Variants in SEMA3E observed in about 807,000 individuals in gnomAD.
The protein encoded by SEMA3E is semaphorin 3E, also known as semaphorin-3E.
In SEMA3E, 49 loss-of-function variants were observed where a neutral mutation model predicts 93.6. That is an observed-to-expected ratio of 0.52 (90% confidence interval 0.42 to 0.66). The LOEUF (loss-of-function observed/expected upper bound fraction) is 0.66. Among genes scored for constraint, SEMA3E ranks in the 30% least tolerant of loss-of-function variants. The pLI is 0.00. For missense variants in SEMA3E, 906 were observed against 964.8 expected (o/e 0.94, Z 0.81); for synonymous variants, 363 against 330.7 (o/e 1.10, Z -1.06).
intron 1 of SEMA3E, among the ~76,000 whole-genome samples, chr7:83,559,733 G>T (rs1180278913): frequency 6.6e-6 from 1 of 151,974 alleles, no homozygotes; most frequent in African/African-American, 2.4e-5. Context: ...TTACACAAAG[G>T]AACTGAAAAT....
intron 2 of SEMA3E, among the ~76,000 whole-genome samples, chr7:83,473,521 G>A (rs542292529): frequency 7.9e-5 from 12 of 152,246 alleles, no homozygotes; most frequent in East Asian, 1.9e-4. Flanking sequence ...GCTGATTGGC[G>A]GTATTTTTTA....
Position 83,402,624 on chromosome 7 carries a change from A to G in SEMA3E, c.1143+8T>C. The stretch of plus-strand genomic sequence containing the variant: ...AATAAGAATTATTTGTTATATAACT[A>G]AACTTACAGAACCAGGCCTTGGATA... On this transcript the variant is annotated splice_region_variant and intron_variant, in intron 10 of 16. Coordinates refer to ENST00000643230, the MANE Select transcript of SEMA3E (RefSeq NM_012431.3). 6.2e-7 allele frequency: 1 copy of G among 1,609,540 alleles called. No individual in the cohort carries two copies. The highest frequency in any genetic ancestry group is 8.5e-7 in the Non-Finnish European group (1 of 1,176,240).
chr7:83,606,723 T>C (rs1793129462), intron 1 of SEMA3E, among the ~76,000 whole-genome samples: 1 of 144,786 alleles, frequency 6.9e-6, no homozygotes, highest in East Asian at 2.0e-4. Context: ...GTAACTAACC[T>C]GCACAATGTG....
chr7:83,368,289 T>A, intron 16 of SEMA3E, among the ~76,000 whole-genome samples: 1 of 148,758 alleles, frequency 6.7e-6, no homozygotes, highest in East Asian at 1.9e-4. Context: ...GACCTTGAGA[T>A]CATTTTATAT....
chr7:83,533,630 T>C (rs566598483), intron 1 of SEMA3E, among the ~76,000 whole-genome samples: 182 of 152,082 alleles, frequency 1.2e-3, no homozygotes, highest in African/African-American at 4.2e-3. Flanking sequence ...GGCAGTAGAA[T>C]AGAGGAAATC....
intron 1 of SEMA3E, among the ~76,000 whole-genome samples, chr7:83,581,158 G>A (rs1036471154): frequency 6.6e-6 from 1 of 151,980 alleles, no homozygotes; most frequent in African/African-American, 2.4e-5. Flanking sequence ...TTCAGCATCT[G>A]TCTAGGGATA....
chr7:83,504,376 G>T (rs1483639469), intron 1 of SEMA3E, among the ~76,000 whole-genome samples: 4 of 152,092 alleles, frequency 2.6e-5, no homozygotes, highest in East Asian at 3.9e-4. Context: ...TAGAGATGAG[G>T]CTGTGTGTTA....
At chr7:83,548,065 T>G (rs1214187418) in intron 1 of SEMA3E, among the ~76,000 whole-genome samples, 1 of 152,070 alleles carries the variant, frequency 6.6e-6, no homozygotes, top group Non-Finnish European at 1.5e-5. Flanking sequence ...AGAGATTTAG[T>G]CTCCTCTATT....
chr7:83,460,007 TC>T, intron 4 of SEMA3E, among the ~76,000 whole-genome samples: 1 of 152,096 alleles, frequency 6.6e-6, no homozygotes, highest in Non-Finnish European at 1.5e-5. Context: ...CACCCTTATC[TC>T]CCTTCGCTGA....
At chr7:83,613,410 A>G (rs1007756464) in intron 1 of SEMA3E, among the ~76,000 whole-genome samples, 3 of 152,082 alleles carry the variant, frequency 2.0e-5, no homozygotes, top group Non-Finnish European at 1.5e-5. Flanking sequence ...TTAATGGAAC[A>G]CTGTAAACCA....
intron 13 of SEMA3E, among the ~76,000 whole-genome samples, chr7:83,392,968 T>A (rs897069333): frequency 1.3e-4 from 19 of 144,476 alleles, no homozygotes; most frequent in South Asian, 8.7e-4. Context: ...ACTCTGGAGG[T>A]TAAGGCAGGA....
rs185358522 is a variant in SEMA3E, at chr7:83,637,713, G to A, written c.115+10715C>T. ...CTTCTGCCATGATTGTAAGTTTCCTGAGGCCTCCTCAGCCCTGTGGAACTG... is the reference window on the plus strand; with the variant it reads ...CTTCTGCCATGATTGTAAGTTTCCTAAGGCCTCCTCAGCCCTGTGGAACTG... On this transcript the variant is annotated intron_variant, in intron 1 of 16. Transcript: ENST00000643230. Among the ~76,000 whole-genome samples, 557 of 151,632 alleles carry A rather than the reference G, an allele frequency of 3.7e-3. 7 individuals are homozygous for A. The highest frequency in any genetic ancestry group is 0.013 in the African/African-American group (521 of 41,282).
intron 1 of SEMA3E, among the ~76,000 whole-genome samples, chr7:83,518,120 T>C (rs567643054): frequency 8.0e-6 from 1 of 124,548 alleles, no homozygotes; most frequent in South Asian, 3.2e-4. Context: ...GAAAGAAAAG[T>C]ATGGCAGCTT....
chr7:83,539,234 C>T (rs987159477), intron 1 of SEMA3E, among the ~76,000 whole-genome samples: 1 of 152,150 alleles, frequency 6.6e-6, no homozygotes, highest in African/African-American at 2.4e-5. Context: ...TTTCAACATG[C>T]TCTAGTAAAA....
At chr7:83,644,900 TAGG>T (rs557214386) in intron 1 of SEMA3E, among the ~76,000 whole-genome samples, 266 of 152,160 alleles carry the variant, frequency 1.7e-3, no homozygotes, top group African/African-American at 6.3e-3. Flanking sequence ...CCAACTATTC[TAGG>T]AGAACATTTT....
At chr7:83,588,082 T>C (rs1273578302) in intron 1 of SEMA3E, among the ~76,000 whole-genome samples, 1 of 152,086 alleles carries the variant, frequency 6.6e-6, no homozygotes, top group Non-Finnish European at 1.5e-5. Context: ...TACTTGATTA[T>C]CACAAGTTTA....
At position 83,367,889 on chromosome 7, in the gene SEMA3E, C is replaced by T. The variant is rs1282630965; in HGVS notation, c.2025G>A (p.Glu675=). ...VRKITLEVVE[E]EKVEDMFNKD... ...TGTTAAACATATCCTCGACTTTCTC[C>T]TCTTCCACTACCTCCAAGGTGATTT... Residue 675 remains glutamate, a synonymous_variant, in exon 17 of 17, where the codon GAG becomes GAA. Coordinates refer to ENST00000643230, the MANE Select transcript of SEMA3E (RefSeq NM_012431.3). 1.2e-6 allele frequency: 2 copies of T among 1,610,708 alleles called. No homozygotes were observed. The highest frequency in any genetic ancestry group is 3.3e-5 in the Admixed American group (2 of 59,812).
At chr7:83,424,198 G>A (rs916299618) in intron 4 of SEMA3E, among the ~76,000 whole-genome samples, 2 of 152,070 alleles carry the variant, frequency 1.3e-5, no homozygotes, top group Admixed American at 1.3e-4. Flanking sequence ...ATTGTAGTTT[G>A]GGATACTTCT....
intron 1 of SEMA3E, among the ~76,000 whole-genome samples, chr7:83,539,889 G>GTGTA (rs1364406959): frequency 6.6e-6 from 1 of 151,136 alleles, no homozygotes; most frequent in African/African-American, 2.4e-5. Context: ...GTGTGTGTGT[G>GTGTA]TGTGTGTTTG....
Sources: allele counts gnomAD v4.1 joint callset (sites outside exome capture counted in the v4.1 genomes callset), GRCh38; gene constraint gnomAD v4.1.1; transcripts MANE v1.5; gene names NCBI Gene and HGNC (gene_info 2026-07-23, HGNC 2026-07-21).